The following KLHL29 variants were observed in gnomAD, a reference collection of about 807,000 sequenced individuals.
KLHL29 encodes the protein kelch like family member 29.
KLHL29 carries 21 observed loss-of-function variants against 80.4 expected under a neutral mutation model. That is an observed-to-expected ratio of 0.26 (90% CI 0.19 to 0.38). The LOEUF (loss-of-function observed/expected upper bound fraction) is 0.38, where lower values mean the gene tolerates loss of function less well. KLHL29 is among the 10% of genes least tolerant of loss of function. The pLI, the probability that KLHL29 is intolerant of heterozygous loss-of-function variation, is 1.00. For synonymous variants in KLHL29, 511 were observed against 526.8 expected (o/e 0.97, Z 0.41); for missense variants, 867 against 1,223.9 (o/e 0.71, Z 4.35).
rs773469206 is a variant in KLHL29, at chr2:23,390,962, G to A, written c.-154+5182G>A. ...AGCCACCTTTACCATTTTTAACTGT[G>A]CATTCGTAGCATTCACATTGTTGTG... On this transcript the variant is annotated intron_variant, in intron 1 of 13. Coordinates refer to ENST00000486442, the MANE Select transcript of KLHL29 (RefSeq NM_052920.2). Among the ~76,000 whole-genome samples the A allele has an allele frequency of 2.0e-5, 3 of 152,114 alleles. 1 individual carries two copies. The highest frequency in any genetic ancestry group is 1.5e-5 in the Non-Finnish European group (1 of 68,012).
chr2:23,410,013 G>A (rs926299496), intron 1 of KLHL29, among the ~76,000 whole-genome samples: 5 of 152,172 alleles, frequency 3.3e-5, no homozygotes, highest in East Asian at 3.9e-4. Context: ...AAGGAGATGC[G>A]AAAAGGTCAG....
chr2:23,468,658 G>GC (rs894665631), intron 1 of KLHL29, among the ~76,000 whole-genome samples: 9 of 152,264 alleles, frequency 5.9e-5, no homozygotes, highest in Admixed American at 4.6e-4. Context: ...GCCGTCTCCA[G>GC]CCCCCCGACA....
intron 5 of KLHL29, among the ~76,000 whole-genome samples, chr2:23,656,614 A>G (rs571204534): frequency 3.3e-5 from 5 of 152,234 alleles, no homozygotes; most frequent in Non-Finnish European, 7.3e-5. Flanking sequence ...GAGAGCTGAG[A>G]AGTTCTTCCA....
intron 1 of KLHL29, among the ~76,000 whole-genome samples, chr2:23,390,618 G>A (rs1572474967): frequency 6.7e-6 from 1 of 148,964 alleles, no homozygotes; most frequent in South Asian, 2.2e-4. Flanking sequence ...TTTAAACCAT[G>A]GTTTAAAAAC....
chr2:23,445,399 C>T (rs1020965346), intron 1 of KLHL29, among the ~76,000 whole-genome samples: 16 of 152,126 alleles, frequency 1.1e-4, no homozygotes, highest in Admixed American at 7.2e-4. Context: ...CTGCATTGTC[C>T]GCTTTTTAAT....
chr2:23,585,745 G>C (rs1558398182), intron 3 of KLHL29, among the ~76,000 whole-genome samples: 1 of 152,158 alleles, frequency 6.6e-6, no homozygotes, highest in Non-Finnish European at 1.5e-5. Flanking sequence ...GAAGCAGGAG[G>C]GCGGTGTCGG....
chr2:23,659,140 C>T (rs1572473414), intron 5 of KLHL29, among the ~76,000 whole-genome samples: 1 of 152,268 alleles, frequency 6.6e-6, no homozygotes, highest in African/African-American at 2.4e-5. Context: ...CCCTTGCTGC[C>T]ACCTACCAGA....
chr2:23,662,891 T>TTTACG, intron 5 of KLHL29, among the ~76,000 whole-genome samples: 1 of 152,128 alleles, frequency 6.6e-6, no homozygotes, highest in Non-Finnish European at 1.5e-5. Flanking sequence ...AAGCCGTAAA[T>TTTACG]GCAAGGCTTT....
At chr2:23,507,052 C>T (rs1436489376) in intron 2 of KLHL29, 1 of 413,972 alleles carries the variant, frequency 2.4e-6, no homozygotes, top group East Asian at 7.8e-5. Flanking sequence ...TAGACTGCAG[C>T]CGACCCTGGG....
Position 23,706,788 on chromosome 2 carries a change from C to G in KLHL29, c.*124C>G. ...ACACAATCAAGGAACTCACTGCGCT[C>G]AACATGTTGAATATTCTCTACATTG... On this transcript the variant is annotated 3_prime_UTR_variant, in exon 14 of 14. Transcript: ENST00000486442. The G allele has an allele frequency of 3.1e-6, 2 of 635,796 alleles. No individual in the cohort carries two copies. Among genetic ancestry groups the G allele is most frequent in the South Asian group, 4.8e-5 (2 of 41,948 alleles). The allele number at this position is 635,796 out of a possible 1,614,324, so 39.4% of individuals were successfully genotyped here. A position where few individuals can be genotyped will look rare whatever the true frequency, so the allele number is the denominator to read the frequency against.
intron 2 of KLHL29, among the ~76,000 whole-genome samples, chr2:23,558,031 G>A (rs1202025902): frequency 1.3e-5 from 2 of 152,156 alleles, no homozygotes; most frequent in Middle Eastern, 3.2e-3. Flanking sequence ...CGAGCGAAGG[G>A]AACTGAGGGT....
At chr2:23,585,951 T>G (rs976857079) in intron 3 of KLHL29, among the ~76,000 whole-genome samples, 11 of 152,164 alleles carry the variant, frequency 7.2e-5, no homozygotes, top group African/African-American at 2.7e-4. Flanking sequence ...TGGTGGCCTT[T>G]GGAAGGGTTG....
chr2:23,419,527 C>G (rs1367812807), intron 1 of KLHL29, among the ~76,000 whole-genome samples: 1 of 152,252 alleles, frequency 6.6e-6, no homozygotes, highest in Non-Finnish European at 1.5e-5. Context: ...TGACTCATCT[C>G]TTTAATCACT....
intron 2 of KLHL29, among the ~76,000 whole-genome samples, chr2:23,509,327 G>A (rs566496699): frequency 6.6e-6 from 1 of 152,314 alleles, no homozygotes; most frequent in South Asian, 2.1e-4. Flanking sequence ...GGGGTGATGG[G>A]GCTGGCTGCC....
At chr2:23,574,669 C>T (rs957469756) in intron 3 of KLHL29, among the ~76,000 whole-genome samples, 9 of 151,944 alleles carry the variant, frequency 5.9e-5, no homozygotes, top group Non-Finnish European at 1.3e-4. Flanking sequence ...CTAAACTGTA[C>T]GCTTGAAAAT....
intron 1 of KLHL29, among the ~76,000 whole-genome samples, chr2:23,458,178 A>G (rs1664114895): frequency 6.6e-6 from 1 of 152,314 alleles, no homozygotes; most frequent in African/African-American, 2.4e-5. Flanking sequence ...AGCAGACACC[A>G]GGGACCTACT....
chr2:23,403,729 G>GTA (rs1330795674), intron 1 of KLHL29, among the ~76,000 whole-genome samples: 1 of 99,962 alleles, frequency 1.0e-5, no homozygotes, highest in African/African-American at 5.4e-5. Context: ...GAGAGAGAGT[G>GTA]TGTGTGTGTG....
At chr2:23,593,907 G>A (rs1293850801) in intron 3 of KLHL29, among the ~76,000 whole-genome samples, 2 of 152,168 alleles carry the variant, frequency 1.3e-5, no homozygotes, top group African/African-American at 2.4e-5. Flanking sequence ...TTCCTTCAGG[G>A]CCCCTCCCTC....
chr2:23,645,724 A>C (rs1437195529), intron 5 of KLHL29, among the ~76,000 whole-genome samples: 1 of 152,134 alleles, frequency 6.6e-6, no homozygotes, highest in African/African-American at 2.4e-5. Flanking sequence ...AAAATTTCAC[A>C]TTTTGTTTCT....
Sources: allele counts gnomAD v4.1 joint callset (sites outside exome capture counted in the v4.1 genomes callset), GRCh38; gene constraint gnomAD v4.1.1; transcripts MANE v1.5; gene names NCBI Gene and HGNC (gene_info 2026-07-23, HGNC 2026-07-21).